The following DNAJC27 variants were observed in gnomAD, a reference collection of about 807,000 sequenced individuals.
DNAJC27 encodes the protein DnaJ heat shock protein family (Hsp40) member C27, also known as dnaJ homolog subfamily C member 27.
Under a neutral mutation model 31.4 loss-of-function variants are expected in DNAJC27, and 25 were observed. That is an observed-to-expected ratio of 0.80 (90% CI 0.58 to 1.11). DNAJC27 has a LOEUF of 1.11. DNAJC27 is among the 50% of genes most tolerant of loss of function. DNAJC27 has a pLI of 0.00. For synonymous variants in DNAJC27, 106 were observed against 112.7 expected (o/e 0.94, Z 0.37); for missense variants, 356 against 347.3 (o/e 1.02, Z -0.20).
At position 24,967,421 on chromosome 2, in the gene DNAJC27, C is replaced by T. The variant is rs184488984; in HGVS notation, c.88-128G>A. On this transcript the variant is annotated intron_variant, in intron 1 of 6. Coordinates refer to ENST00000264711, the MANE Select transcript of DNAJC27 (RefSeq NM_016544.3). ...AAGCATTTTCAAAAGACAAAAGTGG[C>T]GGGGCGCGGTGGCTCACGCCTGTCA... is the stretch of plus-strand genomic sequence containing the variant. 1.9e-3 allele frequency: 1,446 copies of T among 750,032 alleles called. 2 individuals are homozygous for T. Among genetic ancestry groups the T allele is most frequent in the Non-Finnish European group, 2.6e-3 (1,182 of 461,754 alleles). 46.5% of individuals were successfully genotyped at this position (750,032 alleles called of 1,614,324 possible).
At position 24,945,863 on chromosome 2, in the gene DNAJC27, G is replaced by C. The variant is rs1199216395; in HGVS notation, c.*1753C>G. 1 of 152,204 alleles carries C rather than the reference G, an allele frequency of 6.6e-6. No individual in the cohort carries two copies. Among genetic ancestry groups the C allele is most frequent in the African/African-American group, 2.4e-5 (1 of 41,436 alleles). The allele number at this position is 152,204 out of a possible 1,614,324, so 9.4% of individuals were successfully genotyped here. ...AAGCTGCTGTGTGGAAAATCCACAA[G>C]GCTGCAGTGGGCTTGGATTGGAAGA... On this transcript the variant is annotated 3_prime_UTR_variant, in exon 7 of 7. Coordinates refer to ENST00000264711, the MANE Select transcript of DNAJC27 (RefSeq NM_016544.3).
intron 3 of DNAJC27, chr2:24,958,640 AT>A: frequency 3.2e-6 from 1 of 313,132 alleles, no homozygotes; most frequent in Non-Finnish European, 6.7e-6. Context: ...TCACAGGGTT[AT>A]TATGATGGTT....
At position 24,951,564 on chromosome 2, in the gene DNAJC27, G is replaced by GA. The variant is rs756940417; in HGVS notation, c.529-11dup. 1 of 1,602,846 alleles carries GA rather than the reference G, an allele frequency of 6.2e-7. No individual in the cohort carries two copies. The highest frequency in any genetic ancestry group is 8.5e-7 in the Non-Finnish European group (1 of 1,174,054). ...TGGATATATAAAAGGTCTACAAGAA[G>GA]AAAACATAACCCAGGGTAGAAATGA... On this transcript the variant is annotated splice_polypyrimidine_tract_variant and intron_variant, in intron 5 of 6. Coordinates refer to ENST00000264711, the MANE Select transcript of DNAJC27 (RefSeq NM_016544.3).
At chr2:24,956,077 T>C (rs1422695665) in intron 5 of DNAJC27, among the ~76,000 whole-genome samples, 4 of 152,192 alleles carry the variant, frequency 2.6e-5, no homozygotes, top group African/African-American at 9.7e-5. Context: ...AGAAAATACT[T>C]TTGCTTAATT....
chr2:24,958,050 G>A, intron 3 of DNAJC27, 76 bp from the exon 4 acceptor site: 1 of 1,356,692 alleles, frequency 7.4e-7, no homozygotes, highest in Admixed American at 2.2e-5. Flanking sequence ...TCATTAACCT[G>A]GCAAAGTGTG....
chr2:24,957,334 A>G (rs904008132), intron 4 of DNAJC27, among the ~76,000 whole-genome samples, 169 bp from the exon 5 acceptor site: 4 of 152,216 alleles, frequency 2.6e-5, no homozygotes, highest in Non-Finnish European at 4.4e-5. Flanking sequence ...AAAACTTAAT[A>G]TTGAATGTAG....
intron 5 of DNAJC27, among the ~76,000 whole-genome samples, chr2:24,952,717 CGTGT>C (rs1465096875): frequency 3.9e-5 from 6 of 152,054 alleles, no homozygotes; most frequent in Admixed American, 2.0e-4. Flanking sequence ...TTCCCATCAC[CGTGT>C]GTGTGAGACA....
At chr2:24,957,014 A>C in intron 5 of DNAJC27, 29 bp downstream of exon 5, 2 of 1,593,224 alleles carry the variant, frequency 1.3e-6, no homozygotes, top group Non-Finnish European at 1.7e-6. Flanking sequence ...CCTTGACACA[A>C]ACCTTAAAAC....
At chr2:24,971,716 A>G (rs1666344430) in intron 1 of DNAJC27, 102 bp downstream of exon 1, 2 of 1,010,730 alleles carry the variant, frequency 2.0e-6, no homozygotes, top group Non-Finnish European at 2.8e-6. Flanking sequence ...TCGGGGGCGG[A>G]GAGGAGGCCG....
chr2:24,950,884 C>T (rs1332807408), intron 6 of DNAJC27, among the ~76,000 whole-genome samples: 1 of 151,810 alleles, frequency 6.6e-6, no homozygotes, highest in African/African-American at 2.4e-5. Flanking sequence ...AACAAATACA[C>T]ACACAGATGA....
chr2:24,949,585 C>A (rs1665719164), intron 6 of DNAJC27, among the ~76,000 whole-genome samples: 1 of 152,170 alleles, frequency 6.6e-6, no homozygotes, highest in South Asian at 2.1e-4. Flanking sequence ...AAGGCTTTTT[C>A]CCAAATGTAC....
chr2:24,956,930 A>G, intron 5 of DNAJC27, 113 bp downstream of exon 5: 3 of 1,269,978 alleles, frequency 2.4e-6, no homozygotes, highest in Non-Finnish European at 3.2e-6. Context: ...TTTGAAAAGA[A>G]AGAGCTTATT....
intron 5 of DNAJC27, among the ~76,000 whole-genome samples, chr2:24,956,666 T>A (rs1313606425): frequency 1.3e-5 from 2 of 152,232 alleles, no homozygotes; most frequent in Non-Finnish European, 1.5e-5. Context: ...AAGCAGTGTA[T>A]AATAACTTTT....
At chr2:24,952,643 T>C (rs1055696524) in intron 5 of DNAJC27, among the ~76,000 whole-genome samples, 10 of 152,158 alleles carry the variant, frequency 6.6e-5, no homozygotes, top group African/African-American at 1.9e-4. Context: ...AGAAAGAGTA[T>C]ATGCGCATTT....
chr2:24,955,111 T>C (rs143519645), intron 5 of DNAJC27, among the ~76,000 whole-genome samples: 1 of 152,358 alleles, frequency 6.6e-6, no homozygotes, highest in Non-Finnish European at 1.5e-5. Flanking sequence ...GAACCCAAGA[T>C]GGTTCAAATG....
At chr2:24,968,666 T>C (rs1666249675) in intron 1 of DNAJC27, among the ~76,000 whole-genome samples, 1 of 152,134 alleles carries the variant, frequency 6.6e-6, no homozygotes, top group South Asian at 2.1e-4. Context: ...GAGAAAGGAA[T>C]GTAATAGGAA....
chr2:24,947,589 C>A lies in DNAJC27; in HGVS notation c.*27G>T, dbSNP rs1665677277. On this transcript the variant is annotated 3_prime_UTR_variant, in exon 7 of 7. Coordinates refer to ENST00000264711, the MANE Select transcript of DNAJC27 (RefSeq NM_016544.3). The stretch of plus-strand genomic sequence containing the variant: ...AGGGAAAGTCTGTTTGCATTTGAGT[C>A]CCACATGTGGCTTTTTTCTGTACTT... 1 of 1,574,290 alleles carries A rather than the reference C, an allele frequency of 6.4e-7. No individual in the cohort carries two copies. The highest frequency in any genetic ancestry group is 8.7e-7 in the Non-Finnish European group (1 of 1,151,190).
At chr2:24,957,996 C>T in intron 3 of DNAJC27, 22 bp from the exon 4 acceptor site, 2 of 1,602,898 alleles carry the variant, frequency 1.2e-6, no homozygotes, top group African/African-American at 1.3e-5. Context: ...AGGACAGATA[C>T]ACAAAACGTA....
chr2:24,971,778 G>T, intron 1 of DNAJC27, 40 bp downstream of exon 1: 1 of 1,551,550 alleles, frequency 6.4e-7, no homozygotes, highest in Non-Finnish European at 8.7e-7. Context: ...ACGTCGCCCC[G>T]CCACGCTGGG....
Sources: allele counts gnomAD v4.1 joint callset (sites outside exome capture counted in the v4.1 genomes callset), GRCh38; gene constraint gnomAD v4.1.1; transcripts MANE v1.5; gene names NCBI Gene and HGNC (gene_info 2026-07-23, HGNC 2026-07-21).